Variants in BACE1 observed in about 807,000 individuals in gnomAD.
BACE1 encodes the protein APP beta-secretase.
A neutral mutation model predicts 54.0 loss-of-function variants in BACE1; 21 were observed. That is an observed-to-expected ratio of 0.39 (90% CI 0.28 to 0.56). The LOEUF (loss-of-function observed/expected upper bound fraction) is 0.56, where lower values mean the gene tolerates loss of function less well. Ranked by LOEUF, BACE1 falls within the 20% of genes least tolerant of loss-of-function variation. The pLI is 0.63. For missense variants in BACE1, 511 were observed against 661.2 expected (o/e 0.77, Z 2.49); for synonymous variants, 232 against 260.9 (o/e 0.89, Z 1.07).
intron 1 of BACE1, among the ~76,000 whole-genome samples, chr11:117,307,777 A>G (rs1591868358): frequency 6.6e-6 from 1 of 151,728 alleles, no homozygotes; most frequent in Admixed American, 6.6e-5. Context: ...AGTAGAGGAG[A>G]GGTTTGGAAT....
Position 117,293,454 on chromosome 11 carries a change from C to A in BACE1, c.706-266G>T. The A allele has an allele frequency of 1.2e-5, 4 of 326,990 alleles. No homozygotes were observed. The highest frequency in any genetic ancestry group is 1.6e-5 in the Non-Finnish European group (3 of 183,304). 20.3% of individuals were successfully genotyped at this position (326,990 alleles called of 1,614,324 possible). ...TATAAAGTTATTTAAATCTAAACTG[C>A]CACAATAAATGTTGAATGAATGGTT... On this transcript the variant is annotated intron_variant, in intron 4 of 8. Coordinates refer to ENST00000313005, the MANE Select transcript of BACE1 (RefSeq NM_012104.6). The surrounding 1 kb of genome is among the most constrained non-coding windows in gnomAD (Gnocchi z 4.1).
rs1337543966 is a variant in BACE1, at chr11:117,289,310, A to G, written c.*256T>C. 4.3e-6 allele frequency: 2 copies of G among 466,210 alleles called. No individual in the cohort carries two copies. Among genetic ancestry groups the G allele is most frequent in the Non-Finnish European group, 7.5e-6 (2 of 264,916 alleles). 28.9% of individuals were successfully genotyped at this position (466,210 alleles called of 1,614,324 possible). ...AAGTTTCAAGCAGCAGAATTTCCCG[A>G]CTTAAATTTGAGGTGACCAAGAGTA... is the stretch of plus-strand genomic sequence containing the variant. On this transcript the variant is annotated 3_prime_UTR_variant, in exon 9 of 9. Transcript: ENST00000313005.
chr11:117,301,024 T>G (rs1472171765), intron 1 of BACE1, among the ~76,000 whole-genome samples: 1 of 152,074 alleles, frequency 6.6e-6, no homozygotes, highest in African/African-American at 2.4e-5. Context: ...TCGCCTCCAT[T>G]CCTCCACTAT....
chr11:117,296,760 T>C (rs535220735), intron 2 of BACE1, 113 bp downstream of exon 2: 2 of 864,158 alleles, frequency 2.3e-6, no homozygotes, highest in African/African-American at 3.4e-5. Context: ...TCCCCTTCCC[T>C]GGCAAGAAGA....
intron 5 of BACE1, chr11:117,292,181 C>CTTTTTTTTT (rs1173571595): frequency 1.1e-4 from 7 of 62,846 alleles, no homozygotes; most frequent in East Asian, 5.7e-4. Context: ...CTTTTCTTTT[C>CTTTTTTTTT]TTTTTTTTTT....
chr11:117,311,855 G>T (rs1399454606), intron 1 of BACE1, among the ~76,000 whole-genome samples: 1 of 151,988 alleles, frequency 6.6e-6, no homozygotes, highest in Non-Finnish European at 1.5e-5. Context: ...TGGCCAGGTT[G>T]GTCTCGAACT....
Sources: gnomAD v4.1 joint callset for allele counts (sites outside exome capture counted in the v4.1 genomes callset) on GRCh38, gnomAD v4.1.1 for gene constraint, Gnocchi (gnomAD v3.1) non-coding constraint, MANE v1.5 for transcripts, NCBI Gene and HGNC (gene_info 2026-07-23, HGNC 2026-07-21) for gene names.